The following POGLUT3 variants were observed in gnomAD, a reference collection of about 807,000 sequenced individuals.
POGLUT3 encodes the protein protein O-glucosyltransferase 3.
In POGLUT3, 48 loss-of-function variants were observed where a neutral mutation model predicts 54.3. The observed-to-expected ratio is 0.88, with a 90% confidence interval of 0.70 to 1.12. The LOEUF (loss-of-function observed/expected upper bound fraction) is 1.12, where lower values mean the gene tolerates loss of function less well. Ranked by LOEUF, POGLUT3 falls within the 50% of genes most tolerant of loss-of-function variation. The pLI is 0.00. For synonymous variants in POGLUT3, 218 were observed against 237.4 expected, an observed-to-expected ratio of 0.92 and a Z score of 0.75; for missense variants, 629 against 618.7, an observed-to-expected ratio of 1.02 and a Z score of -0.18.
chr11:108,495,709 A>G (rs2093621138), intron 1 of POGLUT3, among the ~76,000 whole-genome samples: 1 of 151,184 alleles, frequency 6.6e-6, no homozygotes, highest in African/African-American at 2.4e-5. Context: ...CCCGGGCTGG[A>G]GTGCAGTGGC....
chr11:108,475,742 T>C (rs1374223486), intron 7 of POGLUT3, among the ~76,000 whole-genome samples: 2 of 152,266 alleles, frequency 1.3e-5, no homozygotes, highest in Middle Eastern at 3.4e-3. Context: ...GTGCTGGGAC[T>C]ACAGGCATGA....
chr11:108,493,761 G>A lies in POGLUT3; in HGVS notation c.203-2594C>T, dbSNP rs11212678. The stretch of plus-strand genomic sequence containing the variant: ...GGAGGTTGCAGTGAGCCGAGATCGC[G>A]CCACTGCACTCAAGCCTGGGCAACA... On this transcript the variant is annotated intron_variant, in intron 1 of 7. Transcript: ENST00000323468. 3.8e-3 allele frequency among the ~76,000 whole-genome samples: 535 copies of A among 139,880 alleles called. 2 individuals carry two copies. Among genetic ancestry groups the A allele is most frequent in the African/African-American group, 0.013 (470 of 37,340 alleles). 91.8% of individuals were successfully genotyped at this position (139,880 alleles called of 152,430 possible). A position where few individuals can be genotyped will look rare whatever the true frequency, so the allele number is the denominator to read the frequency against.
rs148794072 is a variant in POGLUT3 at position 108,475,955 on chromosome 11, G to A, written c.1399-1003C>T. The stretch of plus-strand genomic sequence containing the variant: ...GCTGGAGAATCACTTGAGGAACCAG[G>A]GAAACACGGCAAGAGCTTGTTTCTA... On this transcript the variant is annotated intron_variant, in intron 7 of 7. Coordinates refer to ENST00000323468, the MANE Select transcript of POGLUT3 (RefSeq NM_153705.5). Among the ~76,000 whole-genome samples, 674 of 152,016 alleles carry A rather than the reference G, an allele frequency of 4.4e-3. 3 individuals carry two copies. The highest frequency in any genetic ancestry group is 0.015 in the African/African-American group (618 of 41,462).
At chr11:108,477,858 G>A in intron 6 of POGLUT3, 147 bp from the exon 7 acceptor site, 1 of 649,990 alleles carries the variant, frequency 1.5e-6, no homozygotes, top group Non-Finnish European at 2.7e-6. Context: ...TTAAGAATGA[G>A]GCTACAGGGG....
At chr11:108,479,255 A>G (rs1395652578) in intron 6 of POGLUT3, 46 bp downstream of exon 6, 5 of 1,344,018 alleles carry the variant, frequency 3.7e-6, no homozygotes. Flanking sequence ...TCTAACACTG[A>G]TGAATTTGTT....
At chr11:108,479,192 A>G (rs924744232) in intron 6 of POGLUT3, 109 bp downstream of exon 6, 10 of 751,580 alleles carry the variant, frequency 1.3e-5, no homozygotes, top group Non-Finnish European at 2.1e-5. Context: ...TCAGAAAATA[A>G]TATTTCTTTT....
intron 4 of POGLUT3, 60 bp from the exon 5 acceptor site, chr11:108,481,436 G>T: frequency 1.6e-6 from 2 of 1,251,930 alleles, no homozygotes; most frequent in Non-Finnish European, 2.2e-6. Flanking sequence ...AATATGGCAA[G>T]CATAATCCTC....
Position 108,482,164 on chromosome 11 carries a change from C to T in POGLUT3, c.743G>A (p.Arg248Gln), listed in dbSNP as rs186063712. Residue 248 changes from arginine (R) to glutamine (Q), a missense_variant, in exon 4 of 8, where the codon CGA (arginine) becomes CAA (glutamine). Arg to Gln is a conservative substitution (Grantham distance 43, BLOSUM62 1). Coordinates refer to ENST00000323468, the MANE Select transcript of POGLUT3 (RefSeq NM_153705.5). ...VNLGDWPLEH[R>Q]KVNGTPSPIP... is the part of the protein sequence containing the mutation. ...GGGGCTAGGGGTTCCATTGACTTTT[C>T]GATGCTCCAAGGGCCAATCTCCAAG... 7,124 of 1,614,036 alleles carry T rather than the reference C, an allele frequency of 4.4e-3. 27 individuals carry two copies. The highest frequency in any genetic ancestry group is 5.0e-3 in the Non-Finnish European group (5,867 of 1,179,978).
intron 6 of POGLUT3, 30 bp downstream of exon 6, chr11:108,479,271 T>C: frequency 6.6e-7 from 1 of 1,516,154 alleles, no homozygotes; most frequent in South Asian, 1.2e-5. Flanking sequence ...TTGTTATTGC[T>C]TAAAGAAATA....
rs769912314 is a variant in POGLUT3, at chr11:108,481,307, T to A, written c.971A>T (p.Gln324Leu). 6.8e-6 allele frequency: 11 copies of A among 1,613,138 alleles called. No homozygotes were observed. In the South Asian group the frequency reaches 1.2e-4, roughly 18 times the overall value. The change falls in exon 5 of 8, where the codon CAG becomes CTG. Residue 324 changes from glutamine (Q) to leucine (L), a missense_variant. Transcript: ENST00000323468. ...ATTTTCTTTGGACAGCTGTACCAAC[T>A]GGAGCCTCTCCTCTCGGCTGTCTCT... is the stretch of plus-strand genomic sequence containing the variant. ...RGRDSREERL[Q>L]LVQLSKENPQ...
intron 1 of POGLUT3, among the ~76,000 whole-genome samples, chr11:108,496,513 A>C (rs1406202082): frequency 6.6e-6 from 1 of 152,254 alleles, no homozygotes; most frequent in Non-Finnish European, 1.5e-5. Flanking sequence ...CAAAGCCTAA[A>C]TTATTTACTA....
At position 108,472,267 on chromosome 11, in the gene POGLUT3, T is replaced by C. The variant is rs1331784276; in HGVS notation, c.*2560A>G. ...ATATCTTTTGTGCATTTATTGTCTT[T>C]TCTAAGGTTGGCATTTTTCTTTATT... On this transcript the variant is annotated 3_prime_UTR_variant, in exon 8 of 8. Coordinates refer to ENST00000323468, the MANE Select transcript of POGLUT3 (RefSeq NM_153705.5). 1.3e-5 allele frequency: 2 copies of C among 152,202 alleles called. No individual in the cohort carries two copies. Among genetic ancestry groups the C allele is most frequent in the Non-Finnish European group, 2.9e-5 (2 of 68,042 alleles). 9.4% of individuals were successfully genotyped at this position (152,202 alleles called of 1,614,324 possible).
intron 7 of POGLUT3, 74 bp from the exon 8 acceptor site, chr11:108,475,026 T>A (rs1020184681): frequency 2.7e-6 from 4 of 1,491,968 alleles, no homozygotes; most frequent in East Asian, 2.3e-5. Flanking sequence ...CCCACTCCCA[T>A]CCGCAGTCAC....
rs886067156 is a variant in POGLUT3, at chr11:108,498,321, G to A, written c.46C>T (p.Leu16=). 2 of 1,418,248 alleles carry A rather than the reference G, an allele frequency of 1.4e-6. No homozygotes were observed. Among genetic ancestry groups the A allele is most frequent in the Admixed American group, 6.1e-5 (2 of 32,530 alleles). The allele number at this position is 1,418,248 out of a possible 1,614,324, so 87.9% of individuals were successfully genotyped here. The change falls in exon 1 of 8, where the codon CTG becomes TTG. Residue 16 remains leucine, a synonymous_variant. Coordinates refer to ENST00000323468, the MANE Select transcript of POGLUT3 (RefSeq NM_153705.5). ...TCCGGGGCCCCCGCGGCCACCAGCA[G>A]GGCGAGGCGCAGCTGCAGCAGCAGG... ...RALLLQLRLA[L]LVAAGAPEVL...
At chr11:108,479,257 G>T (rs781745381) in intron 6 of POGLUT3, 44 bp downstream of exon 6, 41 of 1,367,326 alleles carry the variant, frequency 3.0e-5, no homozygotes, top group Non-Finnish European at 4.2e-5. Context: ...TAACACTGAT[G>T]AATTTGTTAT....
At position 108,474,301 on chromosome 11, in the gene POGLUT3, C is replaced by T. The variant is rs1222133285; in HGVS notation, c.*526G>A. 3 of 152,082 alleles carry T rather than the reference C, an allele frequency of 2.0e-5. No individual in the cohort carries two copies. The highest frequency in any genetic ancestry group is 4.4e-5 in the Non-Finnish European group (3 of 68,012). The allele number at this position is 152,082 out of a possible 1,614,324, so 9.4% of individuals were successfully genotyped here. On this transcript the variant is annotated 3_prime_UTR_variant, in exon 8 of 8. Coordinates refer to ENST00000323468, the MANE Select transcript of POGLUT3 (RefSeq NM_153705.5). ...TTTTTACGCAAAAGATATTAATATT[C>T]AATGATATTTGGTAATGCTTGTTCA...
In POGLUT3 at chr11:108,498,331, C is replaced by G; in HGVS notation, c.36G>C (p.Leu12=). 1 of 1,383,682 alleles carries G rather than the reference C, an allele frequency of 7.2e-7. No individual in the cohort carries two copies. Among genetic ancestry groups the G allele is most frequent in the Non-Finnish European group, 9.4e-7 (1 of 1,069,312 alleles). The allele number at this position is 1,383,682 out of a possible 1,614,324, so 85.7% of individuals were successfully genotyped here. A position where few individuals can be genotyped will look rare whatever the true frequency, so the allele number is the denominator to read the frequency against. ...CCGCGGCCACCAGCAGGGCGAGGCG[C>G]AGCTGCAGCAGCAGGGCCCGCGGGA... ...RRLPRALLLQ[L]RLALLVAAGA... is the part of the protein sequence containing the mutation. The change falls in exon 1 of 8, where the codon CTG becomes CTC. Residue 12 remains leucine, a synonymous_variant. Coordinates refer to ENST00000323468, the MANE Select transcript of POGLUT3 (RefSeq NM_153705.5).
Position 108,486,210 on chromosome 11 carries a change from A to T in POGLUT3, c.631T>A (p.Tyr211Asn), listed in dbSNP as rs763700259. The change falls in exon 3 of 8, where the codon TAC (tyrosine) becomes AAC (asparagine). Residue 211 changes from tyrosine to asparagine, a missense_variant. Transcript: ENST00000323468. ...NHVYRRSLGK[Y>N]TDFKMFSDEI... ...TCAGAGAACATCTTGAAGTCTGTGT[A>T]TTTCCCTAAAGATCTCCGGTAAACA... is the stretch of plus-strand genomic sequence containing the variant. 6.2e-7 allele frequency: 1 copy of T among 1,613,832 alleles called. No individual in the cohort carries two copies. Among genetic ancestry groups the T allele is most frequent in the Non-Finnish European group, 8.5e-7 (1 of 1,179,730 alleles).
chr11:108,477,075 G>A (rs141600248), intron 7 of POGLUT3, among the ~76,000 whole-genome samples: 2 of 152,164 alleles, frequency 1.3e-5, no homozygotes, highest in East Asian at 1.9e-4. Context: ...GGCTCCCAGC[G>A]TCGTTTTACA....
Sources: gnomAD v4.1 joint callset for allele counts (sites outside exome capture counted in the v4.1 genomes callset) on GRCh38, gnomAD v4.1.1 for gene constraint, MANE v1.5 for transcripts, NCBI Gene and HGNC (gene_info 2026-07-23, HGNC 2026-07-21) for gene names.